The following MEIKIN variants were observed in gnomAD, a reference collection of about 807,000 sequenced individuals.
The protein encoded by MEIKIN is meiotic kinetochore factor, also known as meiosis-specific kinetochore protein.
intron 11 of MEIKIN, among the ~76,000 whole-genome samples, chr5:131,840,281 C>T (rs1341679429): frequency 7.2e-5 from 11 of 152,144 alleles, no homozygotes; most frequent in Admixed American, 7.2e-4. Context: ...TTTTCTCTAG[C>T]TGCCTTTAAC....
chr5:131,935,504 G>A (rs1278155441), intron 4 of MEIKIN, among the ~76,000 whole-genome samples: 2 of 151,998 alleles, frequency 1.3e-5, no homozygotes, highest in African/African-American at 4.8e-5. Flanking sequence ...CCAGAGATTT[G>A]GTAAGAAAAG....
At chr5:131,849,436 G>C (rs10074835) in intron 11 of MEIKIN, among the ~76,000 whole-genome samples, 4,055 of 65,498 alleles carry the variant, frequency 0.062, 321 homozygotes, top group African/African-American at 0.18. Flanking sequence ...TATATATAAA[G>C]AAACCTCTTT....
At chr5:131,893,702 T>G (rs1278616272) in intron 8 of MEIKIN, among the ~76,000 whole-genome samples, 1 of 152,204 alleles carries the variant, frequency 6.6e-6, no homozygotes, top group African/African-American at 2.4e-5. Flanking sequence ...ACCCGCAGAC[T>G]GGAGCTGTTC....
intron 5 of MEIKIN, among the ~76,000 whole-genome samples, chr5:131,933,211 ATAACACAT>A (rs1472834578): frequency 6.6e-6 from 1 of 152,268 alleles, no homozygotes; most frequent in East Asian, 1.9e-4. Context: ...GAAAAAAAAG[ATAACACAT>A]GGTTCAAGAG....
chr5:131,919,848 T>C (rs1751475619), intron 6 of MEIKIN, among the ~76,000 whole-genome samples: 1 of 152,168 alleles, frequency 6.6e-6, no homozygotes, highest in South Asian at 2.1e-4. Context: ...AGAATAACTT[T>C]TTATATAGCT....
intron 11 of MEIKIN, among the ~76,000 whole-genome samples, chr5:131,845,873 A>G (rs945834319): frequency 4.6e-5 from 7 of 152,182 alleles, no homozygotes; most frequent in African/African-American, 1.7e-4. Context: ...AAGAGAGAAT[A>G]TTAGAAGAAA....
At chr5:131,919,303 T>C (rs1250683656) in intron 6 of MEIKIN, among the ~76,000 whole-genome samples, 2 of 152,180 alleles carry the variant, frequency 1.3e-5, no homozygotes, top group African/African-American at 2.4e-5. Flanking sequence ...ATAATCCTTC[T>C]GGAGGAAAAT....
intron 6 of MEIKIN, among the ~76,000 whole-genome samples, chr5:131,918,649 G>A (rs1432616439): frequency 6.6e-6 from 1 of 152,182 alleles, no homozygotes; most frequent in African/African-American, 2.4e-5. Flanking sequence ...ATAGAGGATA[G>A]GAAAGCAAAA....
At chr5:131,894,077 A>G (rs1433027031) in intron 8 of MEIKIN, among the ~76,000 whole-genome samples, 1 of 152,180 alleles carries the variant, frequency 6.6e-6, no homozygotes, top group East Asian at 1.9e-4. Context: ...ATTTTTGTAT[A>G]AGGTGTAAGG....
chr5:131,828,724 T>TA (rs1215953698), intron 11 of MEIKIN, among the ~76,000 whole-genome samples: 5 of 152,188 alleles, frequency 3.3e-5, no homozygotes, highest in Admixed American at 1.3e-4. Flanking sequence ...AGACTCATAT[T>TA]AAAGCACATT....
intron 11 of MEIKIN, among the ~76,000 whole-genome samples, chr5:131,829,563 T>A (rs1173027476): frequency 6.6e-6 from 1 of 152,006 alleles, no homozygotes; most frequent in Middle Eastern, 3.2e-3. Flanking sequence ...AGAGAGGCAA[T>A]ATAGGCAATC....
chr5:131,869,775 A>G (rs1750453286), intron 9 of MEIKIN, among the ~76,000 whole-genome samples: 2 of 152,202 alleles, frequency 1.3e-5, no homozygotes, highest in Admixed American at 1.3e-4. Context: ...TTCAGCCTCC[A>G]GCAATTCATC....
intron 8 of MEIKIN, among the ~76,000 whole-genome samples, chr5:131,894,180 C>T (rs1009914219): frequency 2.6e-5 from 4 of 152,094 alleles, no homozygotes; most frequent in Non-Finnish European, 5.9e-5. Context: ...GCTTGTTTTT[C>T]TCAGGTTTGT....
chr5:131,838,620 A>C (rs1342473627), intron 11 of MEIKIN, among the ~76,000 whole-genome samples: 2 of 151,998 alleles, frequency 1.3e-5, no homozygotes, highest in Non-Finnish European at 2.9e-5. Context: ...TTTATTCCAG[A>C]ATTTCTAGTT....
chr5:131,933,232 C>T (rs1751718373), intron 5 of MEIKIN, among the ~76,000 whole-genome samples: 1 of 152,152 alleles, frequency 6.6e-6, no homozygotes, highest in Admixed American at 6.5e-5. Flanking sequence ...TTCAAGAGAA[C>T]AAGTATACAT....
intron 12 of MEIKIN, among the ~76,000 whole-genome samples, chr5:131,818,313 GATAA>G (rs1773138548): frequency 6.6e-6 from 1 of 152,074 alleles, no homozygotes; most frequent in African/African-American, 2.4e-5. Flanking sequence ...AAGTATCCTG[GATAA>G]ATATATTTTA....
intron 5 of MEIKIN, among the ~76,000 whole-genome samples, chr5:131,926,077 T>C (rs934239175): frequency 1.3e-5 from 2 of 152,208 alleles, no homozygotes; most frequent in Non-Finnish European, 1.5e-5. Flanking sequence ...CTAATTGCTG[T>C]GACTAGGACT....
At chr5:131,889,818 T>G (rs1461279679) in intron 8 of MEIKIN, among the ~76,000 whole-genome samples, 1 of 152,244 alleles carries the variant, frequency 6.6e-6, no homozygotes, top group Non-Finnish European at 1.5e-5. Context: ...TTCCAGTTTT[T>G]GGCCATTCAG....
intron 11 of MEIKIN, among the ~76,000 whole-genome samples, chr5:131,842,174 C>T (rs1224121549): frequency 6.6e-6 from 1 of 152,128 alleles, no homozygotes; most frequent in East Asian, 1.9e-4. Context: ...ACCATGTTGG[C>T]CAGGATGATC....
Sources: allele counts gnomAD v4.1 joint callset (sites outside exome capture counted in the v4.1 genomes callset), GRCh38; gene constraint gnomAD v4.1.1; transcripts MANE v1.5; gene names NCBI Gene and HGNC (gene_info 2026-07-23, HGNC 2026-07-21).